Variants in SLC2A10 observed in about 807,000 individuals in gnomAD.
SLC2A10 encodes solute carrier family 2 member 10.
In SLC2A10, 25 loss-of-function variants were observed where a neutral mutation model predicts 32.1. That is an observed-to-expected ratio of 0.78 (90% CI 0.57 to 1.09). The LOEUF is 1.09. Ranked by LOEUF, SLC2A10 falls within the 50% of genes least tolerant of loss-of-function variation. The probability of loss-of-function intolerance (pLI) is 0.00; values close to 1 mark genes in which losing one functional copy is unlikely to be tolerated. For synonymous variants in SLC2A10, 332 were observed against 309.6 expected (o/e 1.07, Z -0.76); for missense variants, 673 against 686.5 (o/e 0.98, Z 0.22).
At chr20:46,712,436 C>T (rs3092211) in intron 1 of SLC2A10, among the ~76,000 whole-genome samples, 89,611 of 151,700 alleles carry the variant, frequency 0.59, 27,725 homozygotes, top group East Asian at 0.99. Flanking sequence ...GCCCCCTGAC[C>T]CTGTCCCGGG....
intron 1 of SLC2A10, chr20:46,710,229 A>G (rs915210029): frequency 9.9e-6 from 4 of 404,932 alleles, no homozygotes; most frequent in African/African-American, 8.2e-5. Flanking sequence ...GGGACAGAGA[A>G]GGAGATTCTA....
chr20:46,710,057 T>G, intron 1 of SLC2A10: 1 of 485,372 alleles, frequency 2.1e-6, no homozygotes. Flanking sequence ...GTTCCTGGTC[T>G]GCAGATGAAG....
chr20:46,733,071 G>T (rs1980380357), intron 4 of SLC2A10, among the ~76,000 whole-genome samples: 1 of 152,136 alleles, frequency 6.6e-6, no homozygotes, highest in East Asian at 1.9e-4. Flanking sequence ...CTCCTTCTGA[G>T]CAGATGTATT....
At position 46,733,971 on chromosome 20, in the gene SLC2A10, G is replaced by A; in HGVS notation, c.*137G>A. 1 of 797,992 alleles carries A rather than the reference G, an allele frequency of 1.3e-6. No individual in the cohort carries two copies. The highest frequency in any genetic ancestry group is 2.1e-6 in the Non-Finnish European group (1 of 469,954). The allele number at this position is 797,992 out of a possible 1,614,324, so 49.4% of individuals were successfully genotyped here. A position where few individuals can be genotyped will look rare whatever the true frequency, so the allele number is the denominator to read the frequency against. On this transcript the variant is annotated 3_prime_UTR_variant, in exon 5 of 5. Coordinates refer to ENST00000359271, the MANE Select transcript of SLC2A10 (RefSeq NM_030777.4). Reference sequence around the variant, plus strand: ...CTGCCCCCAAAGGTGGTCTGCTTTTGCTGGGGTAAAAAGGATGAAAGTCTG... The same window carrying A: ...CTGCCCCCAAAGGTGGTCTGCTTTTACTGGGGTAAAAAGGATGAAAGTCTG...
chr20:46,709,391 G>A (rs1229528786), upstream of SLC2A10: 3 of 392,442 alleles, frequency 7.6e-6, no homozygotes, highest in African/African-American at 4.3e-5. Context: ...CTACCAGGGA[G>A]GATGGCTTGC....
At chr20:46,713,852 T>C (rs1310615198) in intron 1 of SLC2A10, among the ~76,000 whole-genome samples, 1 of 152,180 alleles carries the variant, frequency 6.6e-6, no homozygotes, top group Admixed American at 6.5e-5. Context: ...AGTCAGTCTC[T>C]ATCCCTGCCC....
rs764770612 is a variant in SLC2A10, at chr20:46,726,989, G to A, written c.1411+3G>A. 1.2e-6 allele frequency: 2 copies of A among 1,614,222 alleles called. No homozygotes were observed. The highest frequency in any genetic ancestry group is 1.7e-6 in the Non-Finnish European group (2 of 1,180,040). ...CCTCTCCTTCCTCGATCTCATTGGT[G>A]AGTCCTTCCCAGACAAGTCCGTTTT... On this transcript the variant is annotated splice_donor_region_variant and intron_variant, in intron 3 of 4. Transcript: ENST00000359271.
At chr20:46,717,386 AT>A (rs933570865) in intron 1 of SLC2A10, among the ~76,000 whole-genome samples, 32 of 148,194 alleles carry the variant, frequency 2.2e-4, no homozygotes, top group African/African-American at 8.3e-4. Context: ...TCACCTTTTT[AT>A]TTATTTATTT....
rs587776600 is a variant in SLC2A10, at chr20:46,726,907, AG to A, written c.1334del (p.Gly445GlufsTer40). 1.7e-4 allele frequency: 277 copies of A among 1,614,062 alleles called. No homozygotes were observed. Among genetic ancestry groups the A allele is most frequent in the Non-Finnish European group, 2.2e-4 (257 of 1,180,040 alleles). The part of the protein sequence containing the change: ...LSEIYPVEIR[G>X]RAFAFCNSFN... ...GCGAGATCTACCCTGTGGAGATACG[AG>A]GAAGAGCCTTCGCCTTCTGCAACAG... On this transcript the variant is annotated frameshift_variant, in exon 3 of 5. Transcript: ENST00000359271. LOFTEE classifies it high-confidence loss of function.
At chr20:46,716,203 A>G (rs1600658707) in intron 1 of SLC2A10, among the ~76,000 whole-genome samples, 1 of 148,232 alleles carries the variant, frequency 6.7e-6, no homozygotes, top group South Asian at 2.1e-4. Context: ...TCCAGGCTGG[A>G]GTGCAGTGGC....
intron 1 of SLC2A10, 101 bp from the exon 2 acceptor site, chr20:46,724,940 A>T: frequency 6.7e-7 from 1 of 1,482,180 alleles, no homozygotes. Context: ...GAGTAGATGG[A>T]TGGATAAATG....
In SLC2A10 at chr20:46,735,956, G is replaced by T. The variant is rs145974990; in HGVS notation, c.*2122G>T. 6.6e-6 allele frequency: 1 copy of T among 152,038 alleles called. No homozygotes were observed. The highest frequency in any genetic ancestry group is 1.5e-5 in the Non-Finnish European group (1 of 68,016). 9.4% of individuals were successfully genotyped at this position (152,038 alleles called of 1,614,324 possible). A position where few individuals can be genotyped will look rare whatever the true frequency, so the allele number is the denominator to read the frequency against. On this transcript the variant is annotated 3_prime_UTR_variant, in exon 5 of 5. Coordinates refer to ENST00000359271, the MANE Select transcript of SLC2A10 (RefSeq NM_030777.4). ...AAAAATTTCAACCAGCATTCATGCC[G>T]AACCTATACCCATTCTTCAGTGCCT...
intron 1 of SLC2A10, among the ~76,000 whole-genome samples, chr20:46,724,466 A>T (rs1979728946): frequency 6.6e-6 from 1 of 152,192 alleles, no homozygotes; most frequent in African/African-American, 2.4e-5. Context: ...TAAGGTATAG[A>T]TAAATGGACA....
chr20:46,711,983 C>G (rs1217491635), intron 1 of SLC2A10, among the ~76,000 whole-genome samples: 1 of 152,110 alleles, frequency 6.6e-6, no homozygotes, highest in Non-Finnish European at 1.5e-5. Flanking sequence ...TCAGACTGCC[C>G]GAGTTCAAGT....
At position 46,725,664 on chromosome 20, in the gene SLC2A10, G is replaced by T. The variant is rs1979872484; in HGVS notation, c.628G>T (p.Gly210Cys). ...PLQGGEAPKL[G>C]PGRPRYSFLD... ...CCAGGGAGGTGAGGCCCCCAAGCTG[G>T]GCCCGGGGAGGCCACGGTACTCCTT... Residue 210 changes from glycine to cysteine, a missense_variant, in exon 2 of 5, where the codon GGC (glycine) becomes TGC (cysteine). By Grantham distance (159) the Gly-to-Cys change is radical (BLOSUM62 -3). Coordinates refer to ENST00000359271, the MANE Select transcript of SLC2A10 (RefSeq NM_030777.4). 4 of 1,613,978 alleles carry T rather than the reference G, an allele frequency of 2.5e-6. No individual in the cohort carries two copies. Among genetic ancestry groups the T allele is most frequent in the Non-Finnish European group, 3.4e-6 (4 of 1,179,946 alleles).
intron 1 of SLC2A10, chr20:46,710,267 G>A (rs1978833388): frequency 2.6e-6 from 1 of 388,148 alleles, no homozygotes. Flanking sequence ...GACGCGTGGG[G>A]AATGGCTTTG....
At chr20:46,711,459 C>T (rs997775561) in intron 1 of SLC2A10, among the ~76,000 whole-genome samples, 1 of 152,164 alleles carries the variant, frequency 6.6e-6, no homozygotes, top group Non-Finnish European at 1.5e-5. Context: ...AGTCCATCCT[C>T]TTAACCCCCA....
At position 46,709,694 on chromosome 20, in the gene SLC2A10, C is replaced by G. The variant is rs1255219358; in HGVS notation, c.-43C>G. On this transcript the variant is annotated 5_prime_UTR_variant, in exon 1 of 5. Transcript: ENST00000359271. The stretch of plus-strand genomic sequence containing the variant: ...GGGACTCCGGCGGGGGATGCGCGCC[C>G]GGCCCCTCAGCGCCCCCAGCACGCC... The G allele has an allele frequency of 3.3e-6, 5 of 1,536,642 alleles. No individual in the cohort carries two copies. Among genetic ancestry groups the G allele is most frequent in the Non-Finnish European group, 4.4e-6 (5 of 1,142,184 alleles).
chr20:46,709,931 T>C (rs955319969), intron 1 of SLC2A10, 191 bp downstream of exon 1: 3 of 603,148 alleles, frequency 5.0e-6, no homozygotes, highest in Non-Finnish European at 8.4e-6. Flanking sequence ...TCGGTCGCGC[T>C]TCCTTCCATC....
Sources: gnomAD v4.1 joint callset for allele counts (sites outside exome capture counted in the v4.1 genomes callset) on GRCh38, gnomAD v4.1.1 for gene constraint, MANE v1.5 for transcripts, NCBI Gene and HGNC (gene_info 2026-07-23, HGNC 2026-07-21) for gene names.